The following STX8 variants were observed in gnomAD, a reference collection of about 807,000 sequenced individuals.
STX8 encodes the protein syntaxin 8, also known as syntaxin-8.
Under a neutral mutation model 37.5 loss-of-function variants are expected in STX8, and 23 were observed. That is an observed-to-expected ratio of 0.61 (90% CI 0.44 to 0.87). The LOEUF is 0.87. Ranked by LOEUF, STX8 falls within the 40% of genes least tolerant of loss-of-function variation. The pLI is 0.00. For missense variants in STX8, 313 were observed against 284.7 expected (o/e 1.10, Z -0.71); for synonymous variants, 115 against 99.1 (o/e 1.16, Z -0.95).
intron 6 of STX8, among the ~76,000 whole-genome samples, chr17:9,480,318 TA>T (rs1906273231): frequency 6.6e-6 from 1 of 152,174 alleles, no homozygotes; most frequent in African/African-American, 2.4e-5. Context: ...AGGAAGGAAA[TA>T]TATTATTTTG....
intron 6 of STX8, among the ~76,000 whole-genome samples, chr17:9,438,432 C>A (rs1250646487): frequency 6.6e-6 from 1 of 151,884 alleles, no homozygotes; most frequent in Non-Finnish European, 1.5e-5. Context: ...CCTTGGCCCT[C>A]CTGAACCAGT....
In STX8 at chr17:9,277,280, G is replaced by A. The variant is rs533286792; in HGVS notation, c.644-26635C>T. On this transcript the variant is annotated intron_variant, in intron 7 of 7. Coordinates refer to ENST00000306357, the MANE Select transcript of STX8 (RefSeq NM_004853.3). ...ATGTCCCTACCGCTATTTCTCAAAT[G>A]AGAGGACCTGAAGTTCTCTGGAGCA... Among the ~76,000 whole-genome samples the A allele has an allele frequency of 3.6e-4, 55 of 152,284 alleles. 1 individual carries two copies. The highest frequency in any genetic ancestry group is 1.2e-3 in the African/African-American group (49 of 41,522).
intron 5 of STX8, among the ~76,000 whole-genome samples, chr17:9,496,604 C>A (rs1475565624): frequency 6.6e-6 from 1 of 152,144 alleles, no homozygotes; most frequent in Non-Finnish European, 1.5e-5. Flanking sequence ...ATATCCTAAT[C>A]CCCAGAAACT....
At chr17:9,349,618 G>C (rs1404181259) in intron 7 of STX8, among the ~76,000 whole-genome samples, 2 of 151,882 alleles carry the variant, frequency 1.3e-5, no homozygotes, top group Admixed American at 6.6e-5. Context: ...CACCACGCCG[G>C]GCTGATAAAG....
At chr17:9,453,144 C>T (rs11871067) in intron 6 of STX8, among the ~76,000 whole-genome samples, 37,255 of 151,900 alleles carry the variant, frequency 0.25, 4,842 homozygotes, top group Middle Eastern at 0.33. Flanking sequence ...ATCTTTAGTA[C>T]TCAGTATGGC....
At chr17:9,527,757 G>A (rs1343209588) in intron 4 of STX8, among the ~76,000 whole-genome samples, 4 of 152,116 alleles carry the variant, frequency 2.6e-5, no homozygotes, top group Admixed American at 2.6e-4. Flanking sequence ...TAAGGAAAGG[G>A]GCCCTCACAC....
intron 6 of STX8, among the ~76,000 whole-genome samples, chr17:9,426,388 G>C (rs565023180): frequency 5.3e-5 from 8 of 152,164 alleles, no homozygotes; most frequent in Non-Finnish European, 7.3e-5. Flanking sequence ...TTAGCTGGGC[G>C]TGGTGGTCGG....
chr17:9,380,709 CTTTTTT>C (rs776433325), intron 6 of STX8, among the ~76,000 whole-genome samples: 1 of 98,538 alleles, frequency 1.0e-5, no homozygotes. Context: ...GATACAGAAA[CTTTTTT>C]TTTTTTTTTT....
chr17:9,522,067 AC>A (rs1185496207), intron 4 of STX8, among the ~76,000 whole-genome samples: 1 of 152,090 alleles, frequency 6.6e-6, no homozygotes, highest in African/African-American at 2.4e-5. Flanking sequence ...AAATTTCAAA[AC>A]CCCAGGGCAC....
intron 7 of STX8, among the ~76,000 whole-genome samples, chr17:9,365,770 G>A (rs768683780): frequency 2.6e-5 from 4 of 152,198 alleles, no homozygotes; most frequent in Non-Finnish European, 5.9e-5. Flanking sequence ...TTAGGAGTTC[G>A]AGACCAGCCT....
chr17:9,468,228 G>A (rs1403463733), intron 6 of STX8, among the ~76,000 whole-genome samples: 1 of 152,052 alleles, frequency 6.6e-6, no homozygotes, highest in East Asian at 1.9e-4. Context: ...TCCTGCCTCA[G>A]CCTCCCAAGT....
intron 7 of STX8, among the ~76,000 whole-genome samples, chr17:9,309,713 C>T (rs918836467): frequency 5.9e-5 from 9 of 151,786 alleles, no homozygotes; most frequent in Non-Finnish European, 1.3e-4. Context: ...TCATCATATA[C>T]GAAGCAAATT....
At chr17:9,544,518 A>C (rs566508122) in intron 4 of STX8, among the ~76,000 whole-genome samples, 20 of 152,204 alleles carry the variant, frequency 1.3e-4, no homozygotes, top group African/African-American at 4.6e-4. Context: ...AAAAAAACAA[A>C]AAACTGCTTT....
chr17:9,427,204 T>A (rs952151147), intron 6 of STX8, among the ~76,000 whole-genome samples: 1 of 152,096 alleles, frequency 6.6e-6, no homozygotes, highest in African/African-American at 2.4e-5. Flanking sequence ...AGAAATAACG[T>A]TGTATATGTG....
chr17:9,261,504 C>G (rs746020198), intron 7 of STX8, among the ~76,000 whole-genome samples: 13 of 152,172 alleles, frequency 8.5e-5, no homozygotes, highest in Non-Finnish European at 1.3e-4. Flanking sequence ...ACGCCCAACA[C>G]AAACACGAAA....
At chr17:9,373,714 T>C (rs1597631082) in intron 7 of STX8, among the ~76,000 whole-genome samples, 1 of 151,922 alleles carries the variant, frequency 6.6e-6, no homozygotes, top group African/African-American at 2.4e-5. Flanking sequence ...CCGAGGAGGG[T>C]GGATCACCCG....
At position 9,389,734 on chromosome 17, in the gene STX8, C is replaced by T. The variant is rs1290471904; in HGVS notation, c.542-11081G>A. The stretch of plus-strand genomic sequence containing the variant: ...AGTCATTATGTTATTATGCTTTTTG[C>T]TTATGTTCTTAATAATATTTGAAGA... On this transcript the variant is annotated intron_variant, in intron 6 of 7. Coordinates refer to ENST00000306357, the MANE Select transcript of STX8 (RefSeq NM_004853.3). 3.3e-5 allele frequency among the ~76,000 whole-genome samples: 5 copies of T among 151,336 alleles called. No homozygotes were observed. The East Asian group carries it at 7.7e-4, about 23-fold the overall frequency.
In STX8 at chr17:9,481,107, T is replaced by A. The variant is rs142620561; in HGVS notation, c.541+10722A>T. Among the ~76,000 whole-genome samples, 12 of 152,206 alleles carry A rather than the reference T, an allele frequency of 7.9e-5. No individual in the cohort carries two copies. The East Asian group carries it at 2.3e-3, about 29-fold the overall frequency. Reference sequence around the variant, plus strand: ...ACCATGTAAGCCAGGATGGTCTCTATCTCCTGACCTCGTGATCCATCTGCC... The same window carrying A: ...ACCATGTAAGCCAGGATGGTCTCTAACTCCTGACCTCGTGATCCATCTGCC... On this transcript the variant is annotated intron_variant, in intron 6 of 7. Coordinates refer to ENST00000306357, the MANE Select transcript of STX8 (RefSeq NM_004853.3).
chr17:9,441,207 T>C (rs1416707640), intron 6 of STX8, among the ~76,000 whole-genome samples: 1 of 151,856 alleles, frequency 6.6e-6, no homozygotes, highest in Non-Finnish European at 1.5e-5. Context: ...TTTAGTCAAA[T>C]ACGGCTGGGC....
Sources: gnomAD v4.1 joint callset for allele counts (sites outside exome capture counted in the v4.1 genomes callset) on GRCh38, gnomAD v4.1.1 for gene constraint, MANE v1.5 for transcripts, NCBI Gene and HGNC (gene_info 2026-07-23, HGNC 2026-07-21) for gene names.